SCLT1: variants seen among roughly 807,000 people sequenced by gnomAD.
The protein encoded by SCLT1 is sodium channel-associated protein 1.
SCLT1 carries 78 observed loss-of-function variants against 112.8 expected under a neutral mutation model. The observed-to-expected ratio is 0.69, with a 90% CI of 0.58 to 0.83. The LOEUF (loss-of-function observed/expected upper bound fraction) is 0.83, where lower values mean the gene tolerates loss of function less well. SCLT1 is among the 40% of genes least tolerant of loss of function. The pLI is 0.00. For missense variants in SCLT1, 747 were observed against 770.4 expected (o/e 0.97, Z 0.36); for synonymous variants, 257 against 254.7 (o/e 1.01, Z -0.09).
chr4:129,000,698 T>C (rs1314085689), intron 6 of SCLT1, among the ~76,000 whole-genome samples: 1 of 151,948 alleles, frequency 6.6e-6, no homozygotes, highest in African/African-American at 2.4e-5. Context: ...CTGATAGATA[T>C]GTAACCCACA....
intron 17 of SCLT1, among the ~76,000 whole-genome samples, chr4:128,939,087 G>GA (rs1260908357): frequency 6.6e-6 from 1 of 152,148 alleles, no homozygotes; most frequent in Non-Finnish European, 1.5e-5. Flanking sequence ...TTTTCACTTG[G>GA]AAAATCTATT....
chr4:129,049,351 T>C (rs1313253203), intron 2 of SCLT1, among the ~76,000 whole-genome samples: 1 of 151,408 alleles, frequency 6.6e-6, no homozygotes, highest in Non-Finnish European at 1.5e-5. Flanking sequence ...AAATTGGAAA[T>C]CATCATTCTC....
intron 2 of SCLT1, among the ~76,000 whole-genome samples, chr4:129,059,556 A>G (rs1749763188): frequency 2.0e-5 from 3 of 152,174 alleles, no homozygotes; most frequent in South Asian, 4.2e-4. Flanking sequence ...AGTGGTCATG[A>G]ATTTTCTCAG....
chr4:128,908,771 T>C (rs1255226204), intron 18 of SCLT1, among the ~76,000 whole-genome samples: 1 of 152,196 alleles, frequency 6.6e-6, no homozygotes, highest in African/African-American at 2.4e-5. Flanking sequence ...TATATATAAT[T>C]TCAAAACTGA....
chr4:129,051,848 C>T (rs1393213778), intron 2 of SCLT1, among the ~76,000 whole-genome samples: 4 of 152,028 alleles, frequency 2.6e-5, no homozygotes, highest in African/African-American at 4.8e-5. Flanking sequence ...TTTGGTATGA[C>T]GTTGGCTGTG....
chr4:129,080,865 C>G (rs1458788233), intron 2 of SCLT1, among the ~76,000 whole-genome samples: 1 of 152,162 alleles, frequency 6.6e-6, no homozygotes, highest in Admixed American at 6.5e-5. Context: ...GCTCATAGTT[C>G]TGCAGTCTGT....
chr4:128,888,223 T>G (rs170325), intron 20 of SCLT1, among the ~76,000 whole-genome samples: 65,404 of 150,328 alleles, frequency 0.44, 15,236 homozygotes, highest in African/African-American at 0.61. Context: ...TTTTTTTTTT[T>G]TTGTTGATAC....
At chr4:128,917,261 C>T (rs1251346745) in intron 18 of SCLT1, among the ~76,000 whole-genome samples, 1 of 152,138 alleles carries the variant, frequency 6.6e-6, no homozygotes, top group African/African-American at 2.4e-5. Context: ...AAACTCTTTC[C>T]ATTTTCTCTC....
At chr4:129,055,961 G>GTT (rs1205343527) in intron 2 of SCLT1, among the ~76,000 whole-genome samples, 2 of 152,186 alleles carry the variant, frequency 1.3e-5, no homozygotes, top group African/African-American at 4.8e-5. Flanking sequence ...CTGATCTGCA[G>GTT]ATTGCAGAAA....
At chr4:129,007,827 T>C (rs1275401934) in intron 5 of SCLT1, among the ~76,000 whole-genome samples, 2 of 152,200 alleles carry the variant, frequency 1.3e-5, no homozygotes, top group African/African-American at 4.8e-5. Flanking sequence ...TTTGTTCCTA[T>C]TCTTTCTTAT....
At chr4:128,926,205 TG>T (rs1210351190) in intron 18 of SCLT1, among the ~76,000 whole-genome samples, 1 of 152,018 alleles carries the variant, frequency 6.6e-6, no homozygotes, top group Non-Finnish European at 1.5e-5. Context: ...TTTTGAAGCT[TG>T]TTTTTAGCTT....
intron 11 of SCLT1, among the ~76,000 whole-genome samples, chr4:128,962,886 A>G (rs1361528527): frequency 1.3e-5 from 2 of 152,216 alleles, no homozygotes; most frequent in African/African-American, 4.8e-5. Flanking sequence ...TCTGTTTTTC[A>G]ATCACTTTCA....
chr4:129,020,265 G>A (rs1295617400), intron 5 of SCLT1, among the ~76,000 whole-genome samples: 2 of 152,090 alleles, frequency 1.3e-5, no homozygotes, highest in Non-Finnish European at 2.9e-5. Context: ...GCCAAAGTAA[G>A]GTCCTCCATA....
At chr4:129,043,929 C>T (rs1747939810) in intron 3 of SCLT1, 64 bp downstream of exon 3, 1 of 821,350 alleles carries the variant, frequency 1.2e-6, no homozygotes, top group African/African-American at 1.8e-5. Context: ...ATTCCTGATA[C>T]TGAATTATGC....
intron 12 of SCLT1, 124 bp from the exon 13 acceptor site, chr4:128,957,248 C>T (rs1446962576): frequency 1.8e-6 from 1 of 543,828 alleles, no homozygotes; most frequent in Non-Finnish European, 3.2e-6. Context: ...ACTTGAATAT[C>T]ATGTTGAAAT....
chr4:128,959,814 T>G (rs1739526168), intron 11 of SCLT1, 37 bp from the exon 12 acceptor site: 5 of 1,542,084 alleles, frequency 3.2e-6, no homozygotes, highest in Non-Finnish European at 3.6e-6. Context: ...AGTTAAACTT[T>G]TTTAAAGGGA....
At chr4:129,018,379 A>G (rs973192987) in intron 5 of SCLT1, among the ~76,000 whole-genome samples, 1 of 152,230 alleles carries the variant, frequency 6.6e-6, no homozygotes, top group African/African-American at 2.4e-5. Flanking sequence ...TATGCCTCAA[A>G]GTAATAAATA....
chr4:129,016,094 T>G (rs1396063470), intron 5 of SCLT1, among the ~76,000 whole-genome samples: 1 of 152,206 alleles, frequency 6.6e-6, no homozygotes, highest in East Asian at 1.9e-4. Flanking sequence ...TTTTAGAGTT[T>G]CTAGTTCTCT....
At chr4:128,946,218 A>G in intron 15 of SCLT1, 66 bp from the exon 16 acceptor site, 2 of 1,036,562 alleles carry the variant, frequency 1.9e-6, no homozygotes, top group South Asian at 3.6e-5. Flanking sequence ...CAGTTTAGAA[A>G]CAGAAATCAA....
Sources: allele counts gnomAD v4.1 joint callset (sites outside exome capture counted in the v4.1 genomes callset), GRCh38; gene constraint gnomAD v4.1.1; transcripts MANE v1.5; gene names NCBI Gene and HGNC (gene_info 2026-07-23, HGNC 2026-07-21).